The following LCP1 variants were observed in gnomAD, a reference collection of about 807,000 sequenced individuals.
The protein encoded by LCP1 is plastin-2.
LCP1 carries 23 observed loss-of-function variants against 72.0 expected under a neutral mutation model. That is an observed-to-expected ratio of 0.32 (90% CI 0.23 to 0.45). The LOEUF is 0.45. Among genes scored for constraint, LCP1 ranks in the 20% least tolerant of loss-of-function variants. The probability of loss-of-function intolerance (pLI) is 1.00; values close to 1 mark genes in which losing one functional copy is unlikely to be tolerated. For synonymous variants in LCP1, 245 were observed against 275.4 expected, an observed-to-expected ratio of 0.89 and a Z score of 1.09; for missense variants, 571 against 748.3, an observed-to-expected ratio of 0.76 and a Z score of 2.76.
At chr13:46,142,477 A>G in intron 12 of LCP1, 52 bp from the exon 13 acceptor site, 1 of 1,548,500 alleles carries the variant, frequency 6.5e-7, no homozygotes. Flanking sequence ...GATTATGATA[A>G]ATACCAGATA....
At chr13:46,170,613 T>C (rs778110897) in intron 1 of LCP1, among the ~76,000 whole-genome samples, 3 of 152,232 alleles carry the variant, frequency 2.0e-5, no homozygotes, top group Non-Finnish European at 4.4e-5. Flanking sequence ...GCTGGAAATA[T>C]AGGTGCTAGC....
At chr13:46,141,038 GA>G (rs749767621) in intron 13 of LCP1, among the ~76,000 whole-genome samples, 1 of 152,188 alleles carries the variant, frequency 6.6e-6, no homozygotes, top group Non-Finnish European at 1.5e-5. Flanking sequence ...TTGAAGAGAT[GA>G]AAGTTAAGTT....
At chr13:46,128,108 T>A (rs2045610945) in intron 15 of LCP1, among the ~76,000 whole-genome samples, 1 of 150,760 alleles carries the variant, frequency 6.6e-6, no homozygotes, top group Non-Finnish European at 1.5e-5. Context: ...CCCAAAGCAC[T>A]GGGATTACAG....
In LCP1 at chr13:46,144,511, C is replaced by G. The variant is rs1405247499; in HGVS notation, c.1184G>C (p.Arg395Thr). 6.2e-7 allele frequency: 1 copy of G among 1,612,690 alleles called. No homozygotes were observed. The highest frequency in any genetic ancestry group is 8.5e-7 in the Non-Finnish European group (1 of 1,178,790). The part of the protein sequence containing the change: ...IDWGALEGET[R>T]EERTFRNWMN... ...CCAGTTCCTAAATGTCCGCTCTTCTCTCGTCTCACCTAGATGAATGAAGAT... is the reference window on the plus strand; with the variant it reads ...CCAGTTCCTAAATGTCCGCTCTTCTGTCGTCTCACCTAGATGAATGAAGAT... The change falls in exon 11 of 16, where the codon AGA (arginine) becomes ACA (threonine). Residue 395 changes from arginine (R) to threonine (T), a missense_variant. Arg to Thr is a moderately conservative substitution (Grantham distance 71). Coordinates refer to ENST00000323076, the MANE Select transcript of LCP1 (RefSeq NM_002298.5).
At chr13:46,163,633 T>TAAAA (rs575609187) in intron 1 of LCP1, among the ~76,000 whole-genome samples, 3 of 109,228 alleles carry the variant, frequency 2.7e-5, no homozygotes, top group African/African-American at 6.4e-5. Flanking sequence ...AATGATCAAT[T>TAAAA]AAAAAAAAAA....
At position 46,166,539 on chromosome 13, in the gene LCP1, A is replaced by G. The variant is rs572590358; in HGVS notation, c.-24-6853T>C. 2.6e-5 allele frequency among the ~76,000 whole-genome samples: 4 copies of G among 152,346 alleles called. No individual in the cohort carries two copies. In the East Asian group the frequency reaches 7.7e-4, roughly 29 times the overall value. ...GGACTCAAGTTCCTAGCTCTGCCTC[A>G]ATAAATTTCAGTACATTTCCAGAGG... On this transcript the variant is annotated intron_variant, in intron 1 of 15. Coordinates refer to ENST00000323076, the MANE Select transcript of LCP1 (RefSeq NM_002298.5).
Position 46,126,514 on chromosome 13 carries a change from C to T in LCP1, c.*1077G>A, listed in dbSNP as rs140180062. 133 of 232,496 alleles carry T rather than the reference C, an allele frequency of 5.7e-4. No homozygotes were observed. The highest frequency in any genetic ancestry group is 2.6e-3 in the African/African-American group (119 of 45,406). The allele number at this position is 232,496 out of a possible 1,614,324, so 14.4% of individuals were successfully genotyped here. A position where few individuals can be genotyped will look rare whatever the true frequency, so the allele number is the denominator to read the frequency against. On this transcript the variant is annotated 3_prime_UTR_variant, in exon 16 of 16. Coordinates refer to ENST00000323076, the MANE Select transcript of LCP1 (RefSeq NM_002298.5). ...TATTGATTGGCACATATTGTCCCCC[C>T]TGGAGTTTAGGGGTGGCAGAAAGCT...
At chr13:46,175,936 T>C (rs1365008921) in intron 1 of LCP1, among the ~76,000 whole-genome samples, 2 of 152,208 alleles carry the variant, frequency 1.3e-5, no homozygotes, top group Non-Finnish European at 2.9e-5. Flanking sequence ...AGAATTTATA[T>C]CCCACTCTTC....
At chr13:46,166,902 C>T (rs1267735105) in intron 1 of LCP1, among the ~76,000 whole-genome samples, 6 of 152,120 alleles carry the variant, frequency 3.9e-5, no homozygotes, top group African/African-American at 7.2e-5. Flanking sequence ...ATATGACTAA[C>T]TTTTACATAA....
intron 15 of LCP1, among the ~76,000 whole-genome samples, chr13:46,128,360 T>G (rs768694463): frequency 6.6e-6 from 1 of 152,120 alleles, no homozygotes; most frequent in African/African-American, 2.4e-5. Flanking sequence ...ACACTTCGGG[T>G]GGCCGAGGCG....
intron 1 of LCP1, among the ~76,000 whole-genome samples, chr13:46,163,647 A>AC (rs1169562958): frequency 6.6e-6 from 1 of 151,492 alleles, no homozygotes; most frequent in Non-Finnish European, 1.5e-5. Context: ...AAAAAAAAAA[A>AC]AAAAACAATG....
chr13:46,178,830 T>G (rs1262807370), intron 1 of LCP1, among the ~76,000 whole-genome samples: 1 of 152,226 alleles, frequency 6.6e-6, no homozygotes, highest in Non-Finnish European at 1.5e-5. Flanking sequence ...CTTTATAATC[T>G]TATTTTATAA....
chr13:46,140,175 A>G (rs1484683903), intron 13 of LCP1, among the ~76,000 whole-genome samples: 1 of 152,188 alleles, frequency 6.6e-6, no homozygotes, highest in African/African-American at 2.4e-5. Context: ...GAGTGGTGAG[A>G]ACTGTATAGA....
chr13:46,130,519 G>C (rs1300094271), intron 15 of LCP1, among the ~76,000 whole-genome samples: 1 of 151,840 alleles, frequency 6.6e-6, no homozygotes, highest in South Asian at 2.1e-4. Flanking sequence ...GGAGCATTTG[G>C]TTAGGAAATT....
chr13:46,128,513 G>A (rs1313689552), intron 15 of LCP1, among the ~76,000 whole-genome samples: 7 of 152,090 alleles, frequency 4.6e-5, no homozygotes, highest in South Asian at 4.2e-4. Context: ...CAGGAGAATC[G>A]CTTGAACCCG....
intron 1 of LCP1, among the ~76,000 whole-genome samples, chr13:46,161,853 A>C (rs1420289333): frequency 4.6e-5 from 7 of 152,240 alleles, no homozygotes; most frequent in Non-Finnish European, 1.0e-4. Context: ...CAAAAAGGAA[A>C]GTATCATCGG....
intron 13 of LCP1, among the ~76,000 whole-genome samples, 157 bp downstream of exon 13, chr13:46,142,133 GAA>G (rs1204253449): frequency 1.4e-5 from 2 of 141,104 alleles, no homozygotes; most frequent in South Asian, 2.2e-4. Context: ...TGATAGGACT[GAA>G]AAAAAAAAAG....
intron 13 of LCP1, among the ~76,000 whole-genome samples, chr13:46,137,048 G>A (rs1220983130): frequency 1.3e-5 from 2 of 152,134 alleles, no homozygotes. Context: ...ACCTTATAGA[G>A]GTATAGCAAA....
At chr13:46,170,432 C>T (rs1377088806) in intron 1 of LCP1, among the ~76,000 whole-genome samples, 2 of 152,180 alleles carry the variant, frequency 1.3e-5, no homozygotes, top group Non-Finnish European at 2.9e-5. Context: ...TGCTGTAAAA[C>T]CTGCTGGCTG....
Sources: gnomAD v4.1 joint callset for allele counts (sites outside exome capture counted in the v4.1 genomes callset) on GRCh38, gnomAD v4.1.1 for gene constraint, MANE v1.5 for transcripts, NCBI Gene and HGNC (gene_info 2026-07-23, HGNC 2026-07-21) for gene names.